Variants in CRPPA observed in about 807,000 individuals in gnomAD.
The protein encoded by CRPPA is CDP-L-ribitol pyrophosphorylase A.
A neutral mutation model predicts 52.0 loss-of-function variants in CRPPA; 43 were observed. That is an observed-to-expected ratio of 0.83 (90% CI 0.65 to 1.07). The LOEUF is 1.07. CRPPA is among the 50% of genes least tolerant of loss of function. CRPPA has a pLI of 0.00. For synonymous variants in CRPPA, 250 were observed against 203.5 expected (o/e 1.23, Z -1.94); for missense variants, 629 against 551.7 (o/e 1.14, Z -1.40).
At chr7:16,237,976 T>A (rs1275901138) in intron 8 of CRPPA, among the ~76,000 whole-genome samples, 1 of 152,140 alleles carries the variant, frequency 6.6e-6, no homozygotes, top group African/African-American at 2.4e-5. Flanking sequence ...AAATTGCCTC[T>A]TTTTCAAGCA....
chr7:16,244,178 G>A (rs542530849), intron 8 of CRPPA, among the ~76,000 whole-genome samples: 22 of 151,510 alleles, frequency 1.5e-4, no homozygotes, highest in Admixed American at 1.4e-3. Context: ...GTTCCCTTCT[G>A]TAAGTGGATC....
In CRPPA at chr7:16,258,428, T is replaced by G. The variant is rs1170747532; in HGVS notation, c.1081A>C (p.Ser361Arg). Reference sequence around the variant, plus strand: ...ACAGGATATAAAATGCAAAGACTACTCTCTTCAAGCATGCTCAGTAACTTC... The same window carrying G: ...ACAGGATATAAAATGCAAAGACTACGCTCTTCAAGCATGCTCAGTAACTTC... ...TQKLLSMLEE[S>R]SLCILYPVVV... Residue 361 changes from serine to arginine, a missense_variant, in exon 8 of 10, where the codon AGT becomes CGT. By Grantham distance (110) the Ser-to-Arg change is moderately radical. Coordinates refer to ENST00000407010, the MANE Select transcript of CRPPA (RefSeq NM_001101426.4). 12 of 1,607,610 alleles carry G rather than the reference T, an allele frequency of 7.5e-6. No homozygotes were observed. Among genetic ancestry groups the G allele is most frequent in the Non-Finnish European group, 9.3e-6 (11 of 1,176,896 alleles).
intron 2 of CRPPA, among the ~76,000 whole-genome samples, chr7:16,397,214 C>T (rs539914968): frequency 6.6e-6 from 1 of 152,324 alleles, no homozygotes; most frequent in African/African-American, 2.4e-5. Flanking sequence ...ACACGACTGA[C>T]ACGTATGTGA....
At chr7:16,404,414 G>A (rs1211225615) in intron 2 of CRPPA, among the ~76,000 whole-genome samples, 3 of 152,170 alleles carry the variant, frequency 2.0e-5, no homozygotes, top group Admixed American at 2.0e-4. Context: ...TAAATCACAT[G>A]TAAGACAATG....
intron 3 of CRPPA, among the ~76,000 whole-genome samples, chr7:16,356,422 G>A (rs758341756): frequency 6.6e-6 from 1 of 152,124 alleles, no homozygotes; most frequent in African/African-American, 2.4e-5. Context: ...TCTTGGAGGT[G>A]GGGGAGTATC....
At chr7:16,189,048 A>G (rs1164072251) in intron 9 of CRPPA, among the ~76,000 whole-genome samples, 2 of 152,194 alleles carry the variant, frequency 1.3e-5, no homozygotes, top group African/African-American at 4.8e-5. Context: ...GTATGTTCCA[A>G]CATCATTCGA....
intron 9 of CRPPA, among the ~76,000 whole-genome samples, chr7:16,106,018 C>A (rs1782143868): frequency 6.6e-6 from 1 of 152,132 alleles, no homozygotes; most frequent in Non-Finnish European, 1.5e-5. Context: ...TTTGCACAGG[C>A]AGGGAGACTT....
intron 8 of CRPPA, among the ~76,000 whole-genome samples, chr7:16,225,848 C>G (rs1918268): frequency 0.35 from 52,785 of 151,718 alleles, 9,364 homozygotes; most frequent in South Asian, 0.52. Flanking sequence ...AGAATTGATT[C>G]TGTTTTATGT....
chr7:16,197,004 G>A (rs1382124319), intron 9 of CRPPA, among the ~76,000 whole-genome samples: 2 of 151,476 alleles, frequency 1.3e-5, no homozygotes, highest in African/African-American at 2.4e-5. Context: ...CTGACAACAT[G>A]TTGGGAAAAA....
At chr7:16,320,566 C>A (rs1001611839) in intron 3 of CRPPA, among the ~76,000 whole-genome samples, 1 of 152,052 alleles carries the variant, frequency 6.6e-6, no homozygotes, top group African/African-American at 2.4e-5. Flanking sequence ...GCTAGGCAGC[C>A]TGGGAAGTTT....
chr7:16,109,099 T>G (rs550558711), intron 9 of CRPPA, among the ~76,000 whole-genome samples: 2 of 151,624 alleles, frequency 1.3e-5, no homozygotes, highest in African/African-American at 4.8e-5. Context: ...AAAGTAAATA[T>G]AAGAGATTAG....
intron 8 of CRPPA, among the ~76,000 whole-genome samples, chr7:16,235,495 T>C (rs79096699): frequency 0.024 from 3,627 of 152,174 alleles, 117 homozygotes; most frequent in African/African-American, 0.079. Context: ...GCCTATTTTG[T>C]AATACAGTAT....
At chr7:16,254,016 T>C (rs1358322048) in intron 8 of CRPPA, among the ~76,000 whole-genome samples, 3 of 152,054 alleles carry the variant, frequency 2.0e-5, no homozygotes, top group Non-Finnish European at 4.4e-5. Flanking sequence ...ATCAGAGAAA[T>C]GCAAATCAAA....
chr7:16,251,675 C>A (rs949424473), intron 8 of CRPPA, among the ~76,000 whole-genome samples: 1 of 152,052 alleles, frequency 6.6e-6, no homozygotes, highest in African/African-American at 2.4e-5. Context: ...TTCTTTGAAA[C>A]CAATGGGAAC....
chr7:16,124,190 C>T lies in CRPPA; in HGVS notation c.1252-32391G>A, dbSNP rs182180785. Among the ~76,000 whole-genome samples, 325 of 148,380 alleles carry T rather than the reference C, an allele frequency of 2.2e-3. 1 individual carries two copies. The highest frequency in any genetic ancestry group is 3.6e-3 in the Non-Finnish European group (245 of 67,512). ...TTTACATTCCCACCAATGGTGTGTA[C>T]GAGTTCCATTTTCTCTGCATCCTTG... is the stretch of plus-strand genomic sequence containing the variant. On this transcript the variant is annotated intron_variant, in intron 9 of 9. Transcript: ENST00000407010.
intron 8 of CRPPA, among the ~76,000 whole-genome samples, chr7:16,221,551 C>A (rs1000018520): frequency 2.0e-5 from 3 of 152,112 alleles, no homozygotes; most frequent in East Asian, 1.9e-4. Flanking sequence ...ACTCATCTGA[C>A]AAAGGGCTAA....
chr7:16,199,098 A>C (rs1405512606), intron 9 of CRPPA, among the ~76,000 whole-genome samples: 2 of 152,126 alleles, frequency 1.3e-5, no homozygotes, highest in African/African-American at 4.8e-5. Flanking sequence ...TCTCTCCCAG[A>C]CTTCCAATAC....
chr7:16,189,146 T>C (rs1043497490), intron 9 of CRPPA, among the ~76,000 whole-genome samples: 36 of 152,136 alleles, frequency 2.4e-4, no homozygotes, highest in African/African-American at 8.4e-4. Flanking sequence ...TCTCTGATTG[T>C]TACATGTAGA....
chr7:16,393,138 G>A (rs554155428), intron 2 of CRPPA, among the ~76,000 whole-genome samples: 1 of 152,222 alleles, frequency 6.6e-6, no homozygotes, highest in East Asian at 1.9e-4. Context: ...CAAGGTGGGA[G>A]CCTCTAACCT....
Sources: allele counts gnomAD v4.1 joint callset (sites outside exome capture counted in the v4.1 genomes callset), GRCh38; gene constraint gnomAD v4.1.1; transcripts MANE v1.5; gene names NCBI Gene and HGNC (gene_info 2026-07-23, HGNC 2026-07-21).